The following OPCML variants were observed in gnomAD, a reference collection of about 807,000 sequenced individuals.
The protein encoded by OPCML is opioid binding protein/cell adhesion molecule like, also known as opioid-binding protein/cell adhesion molecule.
Under a neutral mutation model 37.8 loss-of-function variants are expected in OPCML, and 13 were observed. The observed-to-expected ratio is 0.34, with a 90% CI of 0.22 to 0.55. The LOEUF (loss-of-function observed/expected upper bound fraction) is 0.55. OPCML is among the 20% of genes least tolerant of loss of function. The probability of loss-of-function intolerance (pLI) is 0.91; values close to 1 mark genes in which losing one functional copy is unlikely to be tolerated. For synonymous variants in OPCML, 176 were observed against 168.8 expected (o/e 1.04, Z -0.33); for missense variants, 341 against 435.6 (o/e 0.78, Z 1.93).
chr11:133,043,381 G>A (rs77341229), intron 1 of OPCML, among the ~76,000 whole-genome samples: 1 of 152,158 alleles, frequency 6.6e-6, no homozygotes, highest in Non-Finnish European at 1.5e-5. Flanking sequence ...CGCCTTTGAG[G>A]ATGCCAGGCT....
chr11:133,444,948 T>C (rs879560847), intron 1 of OPCML, among the ~76,000 whole-genome samples: 39 of 119,970 alleles, frequency 3.3e-4, no homozygotes, highest in African/African-American at 6.2e-4. Context: ...GAGACCACCA[T>C]ACCCCATCTA....
intron 1 of OPCML, among the ~76,000 whole-genome samples, chr11:133,235,421 C>A (rs1940469296): frequency 6.6e-6 from 1 of 151,648 alleles, no homozygotes; most frequent in Non-Finnish European, 1.5e-5. Context: ...GGAATGAGAA[C>A]AAAGGCAGGG....
intron 3 of OPCML, among the ~76,000 whole-genome samples, chr11:132,588,402 G>T (rs1428409597): frequency 1.3e-5 from 2 of 152,124 alleles, no homozygotes; most frequent in Non-Finnish European, 2.9e-5. Flanking sequence ...TAGAACAGAT[G>T]CCAGTGGAAG....
chr11:132,950,060 C>G (rs1247025699), intron 1 of OPCML, among the ~76,000 whole-genome samples: 1 of 152,176 alleles, frequency 6.6e-6, no homozygotes, highest in Non-Finnish European at 1.5e-5. Flanking sequence ...CCGCTAGCCC[C>G]AGCAGCAGAT....
At chr11:133,237,274 G>A (rs764556722) in intron 1 of OPCML, among the ~76,000 whole-genome samples, 26 of 152,208 alleles carry the variant, frequency 1.7e-4, no homozygotes, top group African/African-American at 6.3e-4. Flanking sequence ...ACACCCTGGG[G>A]TGGGGGGTGG....
At chr11:132,753,745 T>C (rs1455564094) in intron 2 of OPCML, among the ~76,000 whole-genome samples, 1 of 152,150 alleles carries the variant, frequency 6.6e-6, no homozygotes, top group African/African-American at 2.4e-5. Context: ...GAAGTGAAAC[T>C]GGAAAGAGGA....
chr11:133,470,582 G>C (rs139423925), intron 1 of OPCML, among the ~76,000 whole-genome samples: 4 of 152,280 alleles, frequency 2.6e-5, no homozygotes, highest in African/African-American at 9.6e-5. Context: ...CTGCCACCCT[G>C]ACCAGTGGTA....
intron 1 of OPCML, among the ~76,000 whole-genome samples, chr11:133,362,628 G>C (rs1166362744): frequency 6.6e-6 from 1 of 152,162 alleles, no homozygotes; most frequent in Admixed American, 6.5e-5. Flanking sequence ...GAAGAGCGGG[G>C]GCTGGCTGAA....
At position 132,989,934 on chromosome 11, in the gene OPCML, C is replaced by T. The variant is rs185161306; in HGVS notation, c.62-46924G>A. Among the ~76,000 whole-genome samples, 519 of 152,144 alleles carry T rather than the reference C, an allele frequency of 3.4e-3. 2 individuals carry two copies. The highest frequency in any genetic ancestry group is 5.9e-3 in the Non-Finnish European group (404 of 68,006). The stretch of plus-strand genomic sequence containing the variant: ...TATTTTATCACCCTTGGATGATTTT[C>T]CTGGTGTACCAAGGTCATATCAAGA... On this transcript the variant is annotated intron_variant, in intron 1 of 7. Coordinates refer to ENST00000524381, the MANE Select transcript of OPCML (RefSeq NM_001012393.5).
intron 1 of OPCML, among the ~76,000 whole-genome samples, chr11:132,973,445 A>G (rs530933776): frequency 3.9e-4 from 60 of 152,254 alleles, no homozygotes; most frequent in African/African-American, 1.2e-3. Flanking sequence ...AAAGGTTTCT[A>G]CTTTCTTCAG....
intron 1 of OPCML, among the ~76,000 whole-genome samples, chr11:133,458,257 C>T (rs1946731084): frequency 1.2e-5 from 1 of 80,582 alleles, no homozygotes; most frequent in Non-Finnish European, 2.1e-5. Context: ...CATATATATA[C>T]ACGTGTGTGT....
intron 4 of OPCML, among the ~76,000 whole-genome samples, chr11:132,450,361 G>T (rs548731992): frequency 2.6e-5 from 4 of 152,358 alleles, no homozygotes; most frequent in African/African-American, 7.2e-5. Flanking sequence ...AACAGAGCAG[G>T]CCTGGACTGC....
chr11:132,522,421 A>C (rs1173364083), intron 4 of OPCML, among the ~76,000 whole-genome samples: 1 of 152,214 alleles, frequency 6.6e-6, no homozygotes, highest in Non-Finnish European at 1.5e-5. Flanking sequence ...TTAAAACACA[A>C]AAAATGTACA....
At chr11:132,942,795 G>A (rs923610543) in intron 2 of OPCML, 131 bp downstream of exon 2, 83 of 1,167,060 alleles carry the variant, frequency 7.1e-5, no homozygotes, top group Middle Eastern at 4.8e-4. Flanking sequence ...GCACGCAAGC[G>A]GGCGCCCCTC....
At chr11:133,041,435 G>A (rs947979245) in intron 1 of OPCML, among the ~76,000 whole-genome samples, 12 of 152,124 alleles carry the variant, frequency 7.9e-5, no homozygotes, top group Non-Finnish European at 1.5e-4. Flanking sequence ...AGTTGCTGCT[G>A]CCACCTCTCC....
At chr11:133,150,299 CCCTTTCCT>C (rs1949959582) in intron 1 of OPCML, among the ~76,000 whole-genome samples, 1 of 152,186 alleles carries the variant, frequency 6.6e-6, no homozygotes, top group East Asian at 1.9e-4. Context: ...GATGGTCTCA[CCCTTTCCT>C]CCAACAGCCC....
intron 4 of OPCML, among the ~76,000 whole-genome samples, chr11:132,493,176 G>T (rs2096221351): frequency 6.6e-6 from 1 of 152,170 alleles, no homozygotes; most frequent in Admixed American, 6.5e-5. Context: ...TAGGAAGTTG[G>T]ACCTGCTGGT....
chr11:132,820,512 G>A (rs1047110633), intron 2 of OPCML, among the ~76,000 whole-genome samples: 4 of 152,122 alleles, frequency 2.6e-5, no homozygotes, highest in Non-Finnish European at 5.9e-5. Flanking sequence ...GTGTGTATGT[G>A]TGTGTGTGTG....
At chr11:133,230,009 T>TA (rs1488554287) in intron 1 of OPCML, among the ~76,000 whole-genome samples, 3 of 145,040 alleles carry the variant, frequency 2.1e-5, no homozygotes, top group Non-Finnish European at 3.2e-5. Flanking sequence ...AGATATTTCA[T>TA]AAAAATGCCC....
Sources: allele counts gnomAD v4.1 joint callset (sites outside exome capture counted in the v4.1 genomes callset), GRCh38; gene constraint gnomAD v4.1.1; transcripts MANE v1.5; gene names NCBI Gene and HGNC (gene_info 2026-07-23, HGNC 2026-07-21).